Variants in KCNAB2 observed in about 807,000 individuals in gnomAD.
KCNAB2 encodes the protein potassium voltage-gated channel subfamily A regulatory beta subunit 2.
Under a neutral mutation model 63.6 loss-of-function variants are expected in KCNAB2, and 29 were observed. The ratio of observed to expected loss-of-function variants is 0.46; its 90% confidence interval spans 0.34 to 0.62. KCNAB2 has a LOEUF of 0.62. Among genes scored for constraint, KCNAB2 ranks in the 20% least tolerant of loss-of-function variants. The pLI is 0.01. For missense variants in KCNAB2, 359 were observed against 563.9 expected (o/e 0.64, Z 3.68); for synonymous variants, 222 against 224.2 (o/e 0.99, Z 0.09).
chr1:5,993,349 C>T (rs1375669469), intron 1 of KCNAB2, among the ~76,000 whole-genome samples: 4 of 151,866 alleles, frequency 2.6e-5, no homozygotes, highest in African/African-American at 4.8e-5. Context: ...CGGGCACGCT[C>T]TCACCACCTT....
chr1:6,012,451 T>C (rs376968636), intron 1 of KCNAB2, among the ~76,000 whole-genome samples: 1 of 17,148 alleles, frequency 5.8e-5, no homozygotes, highest in Non-Finnish European at 1.2e-4. Context: ...GAGATGGAGG[T>C]AGTGGTGGAG....
rs995347345 is a variant in KCNAB2 at position 6,078,842 on chromosome 1, C to T, written c.301-3353C>T. Among the ~76,000 whole-genome samples the T allele has an allele frequency of 3.3e-5, 5 of 152,150 alleles. No individual in the cohort carries two copies. Among genetic ancestry groups the T allele is most frequent in the Non-Finnish European group, 5.9e-5 (4 of 68,016 alleles). On this transcript the variant is annotated intron_variant, in intron 4 of 15. Coordinates refer to ENST00000378083, the MANE Select transcript of KCNAB2 (RefSeq NM_001199862.2). The surrounding 1 kb of genome is among the most constrained non-coding windows in gnomAD (Gnocchi z 4.2). ...AGGGCTGTCGTGGAGCCTGGGAGGCCGCATTTCTGATCTCATGCTGATGCT... is the reference window on the plus strand; with the variant it reads ...AGGGCTGTCGTGGAGCCTGGGAGGCTGCATTTCTGATCTCATGCTGATGCT...
chr1:6,045,537 G>A (rs914697592), upstream of KCNAB2, among the ~76,000 whole-genome samples: 3 of 152,122 alleles, frequency 2.0e-5, no homozygotes, highest in Non-Finnish European at 4.4e-5. This position sits in a 1 kb window ranked among gnomAD's most constrained non-coding sequence, Gnocchi z 4.8. Context: ...TATAGCTACC[G>A]GTAGTATCAG....
At position 6,002,293 on chromosome 1, in the gene KCNAB2, G is replaced by A. The variant is rs117728376; in HGVS notation, c.-53+9505G>A. ...GGATCCTCCCCAAGGGGTCTTCCCC[G>A]CCAGATACAATCCTGCTCTGAGCAC... On this transcript the variant is annotated intron_variant, in intron 1 of 16. Coordinates refer to the KCNAB2 transcript ENST00000341524. Among the ~76,000 whole-genome samples the A allele has an allele frequency of 2.1e-4, 32 of 152,354 alleles. No individual in the cohort carries two copies. The East Asian group carries it at 3.7e-3, about 17-fold the overall frequency.
At chr1:6,084,822 A>AT in intron 5 of KCNAB2, among the ~76,000 whole-genome samples, 1 of 151,956 alleles carries the variant, frequency 6.6e-6, no homozygotes, top group Non-Finnish European at 1.5e-5. Flanking sequence ...AAAAAAAAAA[A>AT]CAAGATACTT....
chr1:6,038,723 C>G (rs1388211602), intron 1 of KCNAB2, among the ~76,000 whole-genome samples: 1 of 152,226 alleles, frequency 6.6e-6, no homozygotes, highest in Non-Finnish European at 1.5e-5. Context: ...GGAATCCCCT[C>G]CCTTACTTTG....
At chr1:6,077,169 G>C in intron 4 of KCNAB2, among the ~76,000 whole-genome samples, 1 of 150,952 alleles carries the variant, frequency 6.6e-6, no homozygotes, top group East Asian at 2.0e-4. Context: ...CTGGATGACA[G>C]AGCGACACTC....
intron 1 of KCNAB2, among the ~76,000 whole-genome samples, chr1:6,039,326 A>G (rs2100447340): frequency 6.6e-6 from 1 of 152,236 alleles, no homozygotes; most frequent in Admixed American, 6.5e-5. Flanking sequence ...GACCAGATTC[A>G]CTTTGGAAAT....
intron 8 of KCNAB2, 60 bp from the exon 9 acceptor site, chr1:6,090,329 C>A: frequency 8.0e-7 from 1 of 1,243,014 alleles, no homozygotes; most frequent in Non-Finnish European, 1.2e-6. Context: ...ATGGATGGGC[C>A]CAGGTGCCTG....
At chr1:5,997,167 C>G (rs892630977) in intron 1 of KCNAB2, among the ~76,000 whole-genome samples, 8 of 152,194 alleles carry the variant, frequency 5.3e-5, no homozygotes, top group African/African-American at 1.4e-4. Context: ...CAGCCACCAT[C>G]CTGCCTGGAG....
rs546671760 is a variant in KCNAB2 at position 6,069,842 on chromosome 1, G to C, written c.219-2913G>C. 6.6e-6 allele frequency among the ~76,000 whole-genome samples: 1 copy of C among 152,212 alleles called. No individual in the cohort carries two copies. The highest frequency in any genetic ancestry group is 1.5e-5 in the Non-Finnish European group (1 of 68,040). On this transcript the variant is annotated intron_variant, in intron 2 of 15. Transcript: ENST00000378083. This position sits in a 1 kb window ranked among gnomAD's most constrained non-coding sequence, Gnocchi z 5.4. ...TTGAGCAGGGTAATTGCGGCATCAC[G>C]TGGTGCCCTAGTTTTGTTAAATTAG...
chr1:6,009,405 G>GTGCACACGTGTGCATATGTGTA (rs1553211742), intron 1 of KCNAB2, among the ~76,000 whole-genome samples: 27 of 152,300 alleles, frequency 1.8e-4, no homozygotes, highest in South Asian at 1.0e-3. Flanking sequence ...GCGTGTATGT[G>GTGCACACGTGTGCATATGTGTA]TGCACACGTG....
chr1:6,062,750 T>C (rs553258646), intron 2 of KCNAB2, among the ~76,000 whole-genome samples: 2 of 152,348 alleles, frequency 1.3e-5, no homozygotes, highest in South Asian at 4.1e-4. Flanking sequence ...ACAGCAGGAA[T>C]AGAAGCCCAG....
chr1:6,065,578 C>T (rs1662675577), intron 2 of KCNAB2, among the ~76,000 whole-genome samples: 1 of 152,136 alleles, frequency 6.6e-6, no homozygotes, highest in Non-Finnish European at 1.5e-5. Flanking sequence ...AGGCCATCAC[C>T]TCCGGCTCCA....
chr1:5,999,542 C>T (rs965807832), intron 1 of KCNAB2, among the ~76,000 whole-genome samples: 26 of 152,170 alleles, frequency 1.7e-4, no homozygotes, highest in Non-Finnish European at 3.7e-4. Context: ...ACATGTGAAG[C>T]CCACATTCTA....
At chr1:6,063,477 T>C (rs1379228485) in intron 2 of KCNAB2, among the ~76,000 whole-genome samples, 2 of 149,882 alleles carry the variant, frequency 1.3e-5, no homozygotes, top group African/African-American at 4.9e-5. Flanking sequence ...TGGCATGATC[T>C]CAGCTCACTG....
intron 1 of KCNAB2, among the ~76,000 whole-genome samples, chr1:6,038,786 A>G (rs1241341330): frequency 2.0e-5 from 3 of 152,208 alleles, no homozygotes; most frequent in African/African-American, 4.8e-5. Flanking sequence ...TGTTCTGGGG[A>G]AAAAGAGTGG....
rs1241059098 is a variant in KCNAB2 at position 6,071,099 on chromosome 1, A to G, written c.219-1656A>G. 3.4e-4 allele frequency among the ~76,000 whole-genome samples: 52 copies of G among 152,212 alleles called. No individual in the cohort carries two copies. Among genetic ancestry groups the G allele is most frequent in the Admixed American group, 3.4e-3 (52 of 15,280 alleles). ...CATGAGTTAGGAGTCCAGGAGCCTT[A>G]TAACCAGGGAAACCGAGGCTGAGAG... On this transcript the variant is annotated intron_variant, in intron 2 of 15. Transcript: ENST00000378083. The surrounding 1 kb of genome is among the most constrained non-coding windows in gnomAD (Gnocchi z 8.5).
Position 6,096,598 on chromosome 1 carries a change from T to C in KCNAB2, c.949-38T>C, listed in dbSNP as rs776136798. On this transcript the variant is annotated intron_variant, in intron 13 of 15. Coordinates refer to ENST00000378083, the MANE Select transcript of KCNAB2 (RefSeq NM_001199862.2). The surrounding 1 kb of genome is among the most constrained non-coding windows in gnomAD (Gnocchi z 5.9). Reference sequence around the variant, plus strand: ...ACGTGGGGGTCCAGGTGACCTGCTCTCATCTGTAGCTGTGCTGCTCCCCTC... The same window carrying C: ...ACGTGGGGGTCCAGGTGACCTGCTCCCATCTGTAGCTGTGCTGCTCCCCTC... The C allele has an allele frequency of 6.3e-7, 1 of 1,593,742 alleles. No individual in the cohort carries two copies. The highest frequency in any genetic ancestry group is 2.3e-5 in the East Asian group (1 of 44,330).
Sources: allele counts gnomAD v4.1 joint callset (sites outside exome capture counted in the v4.1 genomes callset), GRCh38; gene constraint gnomAD v4.1.1; non-coding constraint Gnocchi (gnomAD v3.1); transcripts MANE v1.5; gene names NCBI Gene and HGNC (gene_info 2026-07-23, HGNC 2026-07-21).